The following PSRC1 variants were observed in gnomAD, a reference collection of about 807,000 sequenced individuals.
PSRC1 encodes the protein proline and serine rich coiled-coil 1.
A neutral mutation model predicts 31.9 loss-of-function variants in PSRC1; 30 were observed. The ratio of observed to expected loss-of-function variants is 0.94; its 90% confidence interval spans 0.70 to 1.28. PSRC1 has a LOEUF of 1.28. Among genes scored for constraint, PSRC1 ranks in the 50% most tolerant of loss-of-function variants. The pLI, the probability that PSRC1 is intolerant of heterozygous loss-of-function variation, is 0.00. For missense variants in PSRC1, 481 were observed against 472.8 expected (o/e 1.02, Z -0.16); for synonymous variants, 191 against 192.1 (o/e 0.99, Z 0.05).
Position 109,280,973 on chromosome 1 carries a change from C to T in PSRC1, c.798G>A (p.Pro266=), listed in dbSNP as rs199706816. Reference sequence around the variant, plus strand: ...TGGAAGATTTAGCAGCTGCTCCCTGCGGCCGGGGCAGGCGTTGAGAGTTGC... The same window carrying T: ...TGGAAGATTTAGCAGCTGCTCCCTGTGGCCGGGGCAGGCGTTGAGAGTTGC... The change falls in exon 5 of 7, where the codon CCG becomes CCA. Residue 266 remains proline, a synonymous_variant. Coordinates refer to ENST00000409138, the Ensembl canonical transcript of PSRC1. 1.2e-4 allele frequency: 194 copies of T among 1,609,418 alleles called. 2 individuals are homozygous for T. The East Asian group carries it at 1.6e-3, about 13-fold the overall frequency.
exon 4 of PSRC1, chr1:109,281,845 C>T (rs767380582): frequency 1.2e-6 from 2 of 1,613,918 alleles, no homozygotes; most frequent in Admixed American, 1.7e-5. Context: ...CTCGCCTGCG[C>T]TCTCCCGATC....
intron 3 of PSRC1, 90 bp from the exon 4 acceptor site, chr1:109,282,150 G>A: frequency 1.7e-6 from 2 of 1,208,686 alleles, no homozygotes; most frequent in Non-Finnish European, 1.1e-6. Flanking sequence ...CCACAACAGA[G>A]CCAGGGACAT....
At chr1:109,280,203 A>C in intron 6 of PSRC1, 47 bp from the exon 8 acceptor site, 1 of 1,606,696 alleles carries the variant, frequency 6.2e-7, no homozygotes, top group South Asian at 1.1e-5. Context: ...CTTCTTCCTC[A>C]AGCCCATTTG....
exon 7 of PSRC1, chr1:109,279,892 T>C (rs1198757882): frequency 5.4e-6 from 3 of 554,718 alleles, no homozygotes; most frequent in Non-Finnish European, 9.8e-6. Flanking sequence ...TCTCATCTTC[T>C]ATTTGTTCAT....
At chr1:109,281,673 C>G in exon 4 of PSRC1, 9 of 1,614,094 alleles carry the variant, frequency 5.6e-6, no homozygotes, top group Non-Finnish European at 7.6e-6. Flanking sequence ...CCCTGACTGA[C>G]CCCTTCCTAT....
Position 109,280,912 on chromosome 1 carries a change from C to T in PSRC1, c.859G>A (p.Ala287Thr), listed in dbSNP as rs1170957005. The T allele has an allele frequency of 1.9e-6, 3 of 1,613,948 alleles. No homozygotes were observed. The Admixed American group carries it at 5.0e-5, about 27-fold the overall frequency. ...CGGCTGGTGAGTGGCATTCGGCTGG[C>T]AGGCCTGGGGATGGCCGAGGGAATG... is the stretch of plus-strand genomic sequence containing the variant. The change falls in exon 5 of 7, where the codon GCC becomes ACC. Residue 287 changes from alanine (A) to threonine (T), a missense_variant. Ala to Thr is a moderately conservative substitution (Grantham distance 58). Coordinates refer to ENST00000409138, the Ensembl canonical transcript of PSRC1.
At chr1:109,279,624 A>C (rs1300302499) in exon 7 of PSRC1, 3 of 156,986 alleles carry the variant, frequency 1.9e-5, no homozygotes, top group Non-Finnish European at 4.2e-5. Context: ...AGCTTATCAC[A>C]AACTGGCCTA....
chr1:109,280,974 G>A lies in PSRC1; in HGVS notation c.797C>T (p.Pro266Leu), dbSNP rs760943124. 71 of 1,612,062 alleles carry A rather than the reference G, an allele frequency of 4.4e-5. No homozygotes were observed. The highest frequency in any genetic ancestry group is 1.6e-4 in the Middle Eastern group (1 of 6,082). ...GGAAGATTTAGCAGCTGCTCCCTGC[G>A]GCCGGGGCAGGCGTTGAGAGTTGCT... Residue 266 changes from proline (P) to leucine (L), a missense_variant, in exon 5 of 7, where the codon CCG (proline) becomes CTG (leucine). Coordinates refer to ENST00000409138, the Ensembl canonical transcript of PSRC1.
At position 109,282,143 on chromosome 1, in the gene PSRC1, C is replaced by A. The variant is rs1410058875; in HGVS notation, c.78-83G>T. 5 of 1,264,376 alleles carry A rather than the reference C, an allele frequency of 4.0e-6. No individual in the cohort carries two copies. In the East Asian group the frequency reaches 1.3e-4, roughly 32 times the overall value. 78.3% of individuals were successfully genotyped at this position (1,264,376 alleles called of 1,614,324 possible). ...CAAGGGAGACTGCATAAAAGCCCCA[C>A]AACAGAGCCAGGGACATGACCCTAG... is the stretch of plus-strand genomic sequence containing the variant. On this transcript the variant is annotated intron_variant, in intron 3 of 6. Transcript: ENST00000409138.
rs1657117346 is a variant in PSRC1, at chr1:109,281,600, C to T, written c.519+19G>A. The T allele has an allele frequency of 6.3e-7, 1 of 1,595,438 alleles. No homozygotes were observed. Among genetic ancestry groups the T allele is most frequent in the Admixed American group, 1.7e-5 (1 of 59,396 alleles). ...CACCATGTCTGGGGCACACCTCCAACTCAACTCTCTCAACTCACCCTCTTC... is the reference window on the plus strand; with the variant it reads ...CACCATGTCTGGGGCACACCTCCAATTCAACTCTCTCAACTCACCCTCTTC... On this transcript the variant is annotated intron_variant, in intron 4 of 6. Transcript: ENST00000409138.
Position 109,281,832 on chromosome 1 carries a change from GC to G in PSRC1, c.305del (p.Gly102AlafsTer7). 4 of 1,613,886 alleles carry G rather than the reference GC, an allele frequency of 2.5e-6. No individual in the cohort carries two copies. The highest frequency in any genetic ancestry group is 1.1e-5 in the South Asian group (1 of 91,076). ...TGGGCTTCACTCGGCGAGGCCCCAGGCCCTCGCCTGCGCTCTCCCGATCCTG... is the reference window on the plus strand; with the variant it reads ...TGGGCTTCACTCGGCGAGGCCCCAGGCCTCGCCTGCGCTCTCCCGATCCTG... On this transcript the variant is annotated frameshift_variant, in exon 4 of 7. Transcript: ENST00000409138. LOFTEE classifies it high-confidence loss of function.
chr1:109,282,401 GC>G (rs757334497), intron 3 of PSRC1, 116 bp downstream of exon 3: 7 of 914,238 alleles, frequency 7.7e-6, no homozygotes, highest in Non-Finnish European at 1.2e-5. Flanking sequence ...CCGCCCAGCA[GC>G]CCCAAGTGCG....
intron 3 of PSRC1, 30 bp from the exon 4 acceptor site, chr1:109,282,090 C>A: frequency 6.9e-7 from 1 of 1,458,218 alleles, no homozygotes; most frequent in Non-Finnish European, 9.1e-7. Flanking sequence ...AGGCATCATG[C>A]CCATGCAAAA....
In PSRC1 at chr1:109,280,542, G is replaced by A. The variant is rs1201151381; in HGVS notation, c.995-53C>T. On this transcript the variant is annotated intron_variant, in intron 5 of 6. Transcript: ENST00000409138. Reference sequence around the variant, plus strand: ...GTTAGCAGCAAGTTTAACTGACCTCGAAAAGAAATACTGGATGAAGGGAGC... The same window carrying A: ...GTTAGCAGCAAGTTTAACTGACCTCAAAAAGAAATACTGGATGAAGGGAGC... The A allele has an allele frequency of 1.7e-5, 24 of 1,432,060 alleles. No individual in the cohort carries two copies. In the East Asian group the frequency reaches 2.1e-4, roughly 12 times the overall value. The allele number at this position is 1,432,060 out of a possible 1,614,324, so 88.7% of individuals were successfully genotyped here.
chr1:109,282,347 C>T (rs1004251125), intron 3 of PSRC1, 171 bp downstream of exon 3: 1 of 639,770 alleles, frequency 1.6e-6, no homozygotes, highest in South Asian at 1.9e-5. Flanking sequence ...CTTCTCCCTT[C>T]TCTCCCCGCT....
At chr1:109,279,923 T>G in exon 7 of PSRC1, 1 of 623,344 alleles carries the variant, frequency 1.6e-6, no homozygotes, top group East Asian at 2.6e-5. Flanking sequence ...GAAGGTGACC[T>G]CTTTTCCCCT....
chr1:109,282,367 G>A (rs1219977292), intron 3 of PSRC1, 151 bp downstream of exon 3: 1 of 692,228 alleles, frequency 1.4e-6, no homozygotes, highest in Non-Finnish European at 2.5e-6. Flanking sequence ...TACCAATAGT[G>A]TCATAGAGGC....
intron 1 of PSRC1, 62 bp downstream of exon 1, chr1:109,283,001 C>G: frequency 1.8e-6 from 1 of 556,938 alleles, no homozygotes; most frequent in Non-Finnish European, 3.2e-6. Flanking sequence ...CGCCACTATC[C>G]TCAGGGTTCT....
Position 109,282,967 on chromosome 1 carries a change from G to A in PSRC1, c.-34+107C>T, listed in dbSNP as rs553445165. 3.8e-4 allele frequency: 217 copies of A among 577,768 alleles called. 1 individual carries two copies. Among genetic ancestry groups the A allele is most frequent in the African/African-American group, 1.7e-3 (89 of 53,276 alleles). The allele number at this position is 577,768 out of a possible 1,614,324, so 35.8% of individuals were successfully genotyped here. A position where few individuals can be genotyped will look rare whatever the true frequency, so the allele number is the denominator to read the frequency against. ...TCCTGGCCTCTCCTCACTGGGGGCG[G>A]CCTGCACGCCCCATCTTCCTCCCCG... On this transcript the variant is annotated intron_variant, in intron 1 of 6. Coordinates refer to ENST00000409138, the Ensembl canonical transcript of PSRC1.
Sources: gnomAD v4.1 joint callset for allele counts on GRCh38, gnomAD v4.1.1 for gene constraint, MANE v1.5 for transcripts, NCBI Gene and HGNC (gene_info 2026-07-23, HGNC 2026-07-21) for gene names.